HSD17B1: variants seen among roughly 807,000 people sequenced by gnomAD.
HSD17B1 encodes 17-beta-hydroxysteroid dehydrogenase type 1.
Under a neutral mutation model 22.7 loss-of-function variants are expected in HSD17B1, and 16 were observed. The ratio of observed to expected loss-of-function variants is 0.71; its 90% confidence interval spans 0.48 to 1.07. The LOEUF (loss-of-function observed/expected upper bound fraction) is 1.07. Ranked by LOEUF, HSD17B1 falls within the 50% of genes least tolerant of loss-of-function variation. The pLI is 0.00. For synonymous variants in HSD17B1, 243 were observed against 211.0 expected (o/e 1.15, Z -1.31); for missense variants, 533 against 459.9 (o/e 1.16, Z -1.45).
Position 42,554,803 on chromosome 17 carries a change from G to A in HSD17B1, c.852G>A (p.Val284=), listed in dbSNP as rs2092957637. 1 of 1,601,514 alleles carries A rather than the reference G, an allele frequency of 6.2e-7. No homozygotes were observed. Among genetic ancestry groups the A allele is most frequent in the Admixed American group, 1.7e-5 (1 of 59,976 alleles). ...SNYVTAMHRE[V]FGDVPAKAEA... is the part of the protein sequence containing the mutation. Reference sequence around the variant, plus strand: ...ACGTCACCGCCATGCACCGGGAAGTGTTCGGCGACGTTCCGGCAAAGGCCG... The same window carrying A: ...ACGTCACCGCCATGCACCGGGAAGTATTCGGCGACGTTCCGGCAAAGGCCG... Residue 284 remains valine (V), a synonymous_variant, in exon 6 of 6, where the codon GTG becomes GTA. Coordinates refer to ENST00000585807, the MANE Select transcript of HSD17B1 (RefSeq NM_000413.4).
In HSD17B1 at chr17:42,554,981, T is replaced by C. The variant is rs1231320502; in HGVS notation, c.*43T>C. 2.8e-6 allele frequency: 4 copies of C among 1,433,564 alleles called. No individual in the cohort carries two copies. The highest frequency in any genetic ancestry group is 3.6e-6 in the Non-Finnish European group (4 of 1,101,470). 88.8% of individuals were successfully genotyped at this position (1,433,564 alleles called of 1,614,324 possible). On this transcript the variant is annotated 3_prime_UTR_variant, in exon 6 of 6. Transcript: ENST00000585807. ...GTCTCCCGCGCCCTTCTTTGTCCCCTGGGTCTGTGTGGTCCCTGGGGATGG... is the reference window on the plus strand; with the variant it reads ...GTCTCCCGCGCCCTTCTTTGTCCCCCGGGTCTGTGTGGTCCCTGGGGATGG...
chr17:42,554,080 T>C, intron 4 of HSD17B1, 193 bp downstream of exon 4: 1 of 658,464 alleles, frequency 1.5e-6, no homozygotes, highest in South Asian at 1.8e-5. Flanking sequence ...GCTGAAGTGT[T>C]GGTATTGTTA....
chr17:42,555,113 A>G lies in HSD17B1; in HGVS notation c.*175A>G. The G allele has an allele frequency of 7.7e-7, 1 of 1,304,746 alleles. No individual in the cohort carries two copies. The highest frequency in any genetic ancestry group is 9.9e-7 in the Non-Finnish European group (1 of 1,009,930). 80.8% of individuals were successfully genotyped at this position (1,304,746 alleles called of 1,614,324 possible). A position where few individuals can be genotyped will look rare whatever the true frequency, so the allele number is the denominator to read the frequency against. ...TCGCCTGTAATGCCAGCGCTTTGGG[A>G]GGCGGAGGCAGGAGGATCGCTCAAG... On this transcript the variant is annotated 3_prime_UTR_variant, in exon 6 of 6. Coordinates refer to ENST00000585807, the MANE Select transcript of HSD17B1 (RefSeq NM_000413.4).
rs746994430 is a variant in HSD17B1 at position 42,554,745 on chromosome 17, G to A, written c.794G>A (p.Arg265Gln). 9 of 1,603,802 alleles carry A rather than the reference G, an allele frequency of 5.6e-6. No individual in the cohort carries two copies. Among genetic ancestry groups the A allele is most frequent in the Admixed American group, 1.7e-5 (1 of 59,988 alleles). The change falls in exon 6 of 6, where the codon CGG becomes CAG. Residue 265 changes from arginine (R) to glutamine (Q), a missense_variant. Physicochemically the swap from Arg to Gln is conservative, Grantham distance 43. Transcript: ENST00000585807. ...ACCGAGCGCTTCCTGCCCCTGCTGC[G>A]GATGCGCCTGGACGACCCCAGCGGC... is the stretch of plus-strand genomic sequence containing the variant. ...FTTERFLPLL[R>Q]MRLDDPSGSN... is the part of the protein sequence containing the mutation.
At position 42,554,661 on chromosome 17, in the gene HSD17B1, C is replaced by T. The variant is rs113690224; in HGVS notation, c.718-8C>T. 18,725 of 1,604,372 alleles carry T rather than the reference C, an allele frequency of 0.012. 185 individuals carry two copies. The highest frequency in any genetic ancestry group is 0.014 in the Non-Finnish European group (16,990 of 1,178,458). On this transcript the variant is annotated splice_region_variant and splice_polypyrimidine_tract_variant and intron_variant, in intron 5 of 5. Transcript: ENST00000585807. ...GCGGTGGCCACAGCTCTCCTCCCGCCGCCGCAGGTCTTCCTCACCGCTTTG... is the reference window on the plus strand; with the variant it reads ...GCGGTGGCCACAGCTCTCCTCCCGCTGCCGCAGGTCTTCCTCACCGCTTTG...
intron 3 of HSD17B1, 77 bp downstream of exon 3, chr17:42,553,695 G>C (rs192431327): frequency 2.5e-5 from 40 of 1,596,608 alleles, no homozygotes; most frequent in African/African-American, 4.0e-5. Context: ...GGTTCCGCGG[G>C]GGGGGTGGAG....
Position 42,554,874 on chromosome 17 carries a change from A to C in HSD17B1, c.923A>C (p.Asp308Ala). The C allele has an allele frequency of 6.4e-7, 1 of 1,566,412 alleles. No homozygotes were observed. The highest frequency in any genetic ancestry group is 8.6e-7 in the Non-Finnish European group (1 of 1,163,954). Residue 308 changes from aspartate (D) to alanine (A), a missense_variant, in exon 6 of 6, where the codon GAC becomes GCC. By Grantham distance (126) the Asp-to-Ala change is moderately radical (BLOSUM62 -2). Coordinates refer to ENST00000585807, the MANE Select transcript of HSD17B1 (RefSeq NM_000413.4). ...GGCGGGGCCGGGCCTGGGGCAGAGGACGAGGCCGGGCGCGGTGCGGTGGGG... is the reference window on the plus strand; with the variant it reads ...GGCGGGGCCGGGCCTGGGGCAGAGGCCGAGGCCGGGCGCGGTGCGGTGGGG... ...AGGGAGPGAE[D>A]EAGRGAVGDP...
In HSD17B1 at chr17:42,554,875, C is replaced by G. The variant is rs1484487440; in HGVS notation, c.924C>G (p.Asp308Glu). Reference sequence around the variant, plus strand: ...GCGGGGCCGGGCCTGGGGCAGAGGACGAGGCCGGGCGCGGTGCGGTGGGGG... The same window carrying G: ...GCGGGGCCGGGCCTGGGGCAGAGGAGGAGGCCGGGCGCGGTGCGGTGGGGG... ...AGGGAGPGAE[D>E]EAGRGAVGDP... Residue 308 changes from aspartate (D) to glutamate (E), a missense_variant, in exon 6 of 6, where the codon GAC (aspartate) becomes GAG (glutamate). By Grantham distance (45) the Asp-to-Glu change is conservative. Coordinates refer to ENST00000585807, the MANE Select transcript of HSD17B1 (RefSeq NM_000413.4). The G allele has an allele frequency of 1.3e-6, 2 of 1,561,894 alleles. No homozygotes were observed. Among genetic ancestry groups the G allele is most frequent in the South Asian group, 1.1e-5 (1 of 87,366 alleles).
Position 42,554,594 on chromosome 17 carries a change from G to C in HSD17B1, c.717+12G>C. On this transcript the variant is annotated intron_variant, in intron 5 of 5. Transcript: ENST00000585807. ...AGGAGGTGGCGGAGGTGAGCGCCGG[G>C]CTGGACTCCAGGAGTGGGGGCGGTG... 6.2e-7 allele frequency: 1 copy of C among 1,612,266 alleles called. No homozygotes were observed. Among genetic ancestry groups the C allele is most frequent in the South Asian group, 1.1e-5 (1 of 91,048 alleles).
At chr17:42,554,153 C>A in intron 4 of HSD17B1, 2 of 653,832 alleles carry the variant, frequency 3.1e-6, no homozygotes, top group Non-Finnish European at 5.2e-6. Context: ...GGCCAGGGAC[C>A]CCGCTAGATT....
chr17:42,553,477 GC>G lies in HSD17B1; in HGVS notation c.305del (p.Ala102GlyfsTer13), dbSNP rs2092950896. ...CCTGGGCCTGCTGGGGCCGCTGGAG[GC>G]GCTGGGGGAGGACGCCGTGGCCTCT... Reference protein sequence around the residue: ...AGLGLLGPLEALGEDAVASVL... With the variant: ...AGLGLLGPLEXLGEDAVASVL... On this transcript the variant is annotated frameshift_variant, in exon 3 of 6. Coordinates refer to ENST00000585807, the MANE Select transcript of HSD17B1 (RefSeq NM_000413.4). LOFTEE classifies it high-confidence loss of function. 6.2e-7 allele frequency: 1 copy of G among 1,613,406 alleles called. No homozygotes were observed. The highest frequency in any genetic ancestry group is 1.3e-5 in the African/African-American group (1 of 74,942).
Position 42,555,207 on chromosome 17 carries a change from A to T in HSD17B1, c.*269A>T, listed in dbSNP as rs2092959409. 1 of 533,002 alleles carries T rather than the reference A, an allele frequency of 1.9e-6. No homozygotes were observed. Among genetic ancestry groups the T allele is most frequent in the Non-Finnish European group, 3.0e-6 (1 of 337,432 alleles). 33.0% of individuals were successfully genotyped at this position (533,002 alleles called of 1,614,324 possible). On this transcript the variant is annotated 3_prime_UTR_variant, in exon 6 of 6. Coordinates refer to ENST00000585807, the MANE Select transcript of HSD17B1 (RefSeq NM_000413.4). ...ATCTCTACAAAAATAAAGAAAATTTAAAAATCAGCACAGTGGCACCATTCC... is the reference window on the plus strand; with the variant it reads ...ATCTCTACAAAAATAAAGAAAATTTTAAAATCAGCACAGTGGCACCATTCC...
rs2092955834 is a variant in HSD17B1, at chr17:42,554,481, G to C, written c.616G>C (p.Asp206His). 6.2e-7 allele frequency: 1 copy of C among 1,613,854 alleles called. No homozygotes were observed. The highest frequency in any genetic ancestry group is 8.5e-7 in the Non-Finnish European group (1 of 1,179,884). ...KVLGSPEEVLDRTDIHTFHRF... is the reference protein window; with the variant it reads ...KVLGSPEEVLHRTDIHTFHRF... ...GTTGGGCAGCCCAGAGGAGGTGCTG[G>C]ACCGCACGGACATCCACACCTTCCA... is the stretch of plus-strand genomic sequence containing the variant. The change falls in exon 5 of 6, where the codon GAC becomes CAC. Residue 206 changes from aspartate (D) to histidine (H), a missense_variant. Asp to His is a moderately conservative substitution (Grantham distance 81). Transcript: ENST00000585807.
rs755005586 is a variant in HSD17B1, at chr17:42,554,489, G to A, written c.624G>A (p.Thr208=). Residue 208 remains threonine (T), a synonymous_variant, in exon 5 of 6, where the codon ACG becomes ACA. Transcript: ENST00000585807. ...LGSPEEVLDR[T]DIHTFHRFYQ... ...GCCCAGAGGAGGTGCTGGACCGCACGGACATCCACACCTTCCACCGCTTCT... is the reference window on the plus strand; with the variant it reads ...GCCCAGAGGAGGTGCTGGACCGCACAGACATCCACACCTTCCACCGCTTCT... 1.1e-5 allele frequency: 17 copies of A among 1,613,838 alleles called. No homozygotes were observed. The highest frequency in any genetic ancestry group is 2.2e-5 in the East Asian group (1 of 44,886).
chr17:42,553,578 G>A lies in HSD17B1; in HGVS notation c.405G>A (p.Ser135=), dbSNP rs369323769. 3 of 1,612,426 alleles carry A rather than the reference G, an allele frequency of 1.9e-6. No homozygotes were observed. Among genetic ancestry groups the A allele is most frequent in the East Asian group, 2.2e-5 (1 of 44,880 alleles). ...TGCCAGACATGAAGAGGCGCGGTTCGGGACGCGTGTTGGTGACCGGGAGCG... is the reference window on the plus strand; with the variant it reads ...TGCCAGACATGAAGAGGCGCGGTTCAGGACGCGTGTTGGTGACCGGGAGCG... ...AFLPDMKRRG[S]GRVLVTGSVG... is the part of the protein sequence containing the mutation. The change falls in exon 3 of 6, where the codon TCG becomes TCA. Residue 135 remains serine (S), a synonymous_variant. Transcript: ENST00000585807.
Position 42,554,675 on chromosome 17 carries a change from C to T in HSD17B1, c.724C>T (p.Leu242Phe), listed in dbSNP as rs772009080. 2.5e-6 allele frequency: 4 copies of T among 1,604,666 alleles called. No individual in the cohort carries two copies. The highest frequency in any genetic ancestry group is 3.4e-6 in the Non-Finnish European group (4 of 1,179,230). Residue 242 changes from leucine (L) to phenylalanine (F), a missense_variant, in exon 6 of 6, where the codon CTC (leucine) becomes TTC (phenylalanine). By Grantham distance (22) the Leu-to-Phe change is conservative. Coordinates refer to ENST00000585807, the MANE Select transcript of HSD17B1 (RefSeq NM_000413.4). ...QNPEEVAEVF[L>F]TALRAPKPTL... ...TCTCCTCCCGCCGCCGCAGGTCTTC[C>T]TCACCGCTTTGCGCGCCCCGAAGCC...
chr17:42,554,817 C>T lies in HSD17B1; in HGVS notation c.866C>T (p.Pro289Leu), dbSNP rs780927668. ...AMHREVFGDVPAKAEAGAEAG... is the reference protein window; with the variant it reads ...AMHREVFGDVLAKAEAGAEAG... ...CACCGGGAAGTGTTCGGCGACGTTC[C>T]GGCAAAGGCCGAGGCTGGGGCCGAG... Residue 289 changes from proline (P) to leucine (L), a missense_variant, in exon 6 of 6, where the codon CCG becomes CTG. Physicochemically the swap from Pro to Leu is moderately conservative, Grantham distance 98. Transcript: ENST00000585807. 1.9e-6 allele frequency: 3 copies of T among 1,600,124 alleles called. No individual in the cohort carries two copies. Among genetic ancestry groups the T allele is most frequent in the Non-Finnish European group, 8.5e-7 (1 of 1,179,396 alleles).
rs367544499 is a variant in HSD17B1 at position 42,554,385 on chromosome 17, C to A, written c.540-20C>A. The A allele has an allele frequency of 6.3e-7, 1 of 1,583,840 alleles. No homozygotes were observed. Among genetic ancestry groups the A allele is most frequent in the South Asian group, 1.1e-5 (1 of 88,800 alleles). ...TGGCTGGCGTCCGCCCCCTCCCACTCGTTGCTCTCCGGCCAGCAGCTTGAG... is the reference window on the plus strand; with the variant it reads ...TGGCTGGCGTCCGCCCCCTCCCACTAGTTGCTCTCCGGCCAGCAGCTTGAG... On this transcript the variant is annotated intron_variant, in intron 4 of 5. Transcript: ENST00000585807.
Position 42,555,030 on chromosome 17 carries a change from G to T in HSD17B1, c.*92G>T. 1 of 1,410,940 alleles carries T rather than the reference G, an allele frequency of 7.1e-7. No individual in the cohort carries two copies. Among genetic ancestry groups the T allele is most frequent in the African/African-American group, 1.5e-5 (1 of 66,740 alleles). The allele number at this position is 1,410,940 out of a possible 1,614,324, so 87.4% of individuals were successfully genotyped here. ...GGGGCGGCGGTAGCAGCTGTGGGTGGCTAATTAAGATAGATCGCGTTAGCC... is the reference window on the plus strand; with the variant it reads ...GGGGCGGCGGTAGCAGCTGTGGGTGTCTAATTAAGATAGATCGCGTTAGCC... On this transcript the variant is annotated 3_prime_UTR_variant, in exon 6 of 6. Transcript: ENST00000585807.
Sources: gnomAD v4.1 joint callset for allele counts on GRCh38, gnomAD v4.1.1 for gene constraint, MANE v1.5 for transcripts, NCBI Gene and HGNC (gene_info 2026-07-23, HGNC 2026-07-21) for gene names.